Variants in ERBB4 observed in about 807,000 individuals in gnomAD.
The protein encoded by ERBB4 is erb-b2 receptor tyrosine kinase 4, also known as receptor tyrosine-protein kinase erbB-4.
In ERBB4, 42 loss-of-function variants were observed where a neutral mutation model predicts 158.0. The ratio of observed to expected loss-of-function variants is 0.27; its 90% CI spans 0.21 to 0.34. The LOEUF (loss-of-function observed/expected upper bound fraction) is 0.34. Ranked by LOEUF, ERBB4 falls within the 10% of genes least tolerant of loss-of-function variation. The probability of loss-of-function intolerance (pLI) is 1.00; values close to 1 mark genes in which losing one functional copy is unlikely to be tolerated. For synonymous variants in ERBB4, 583 were observed against 558.7 expected (o/e 1.04, Z -0.61); for missense variants, 1,333 against 1,624.1 (o/e 0.82, Z 3.08).
chr2:211,784,204 T>C (rs922978376), intron 4 of ERBB4, among the ~76,000 whole-genome samples: 1 of 152,214 alleles, frequency 6.6e-6, no homozygotes, highest in African/African-American at 2.4e-5. Context: ...CTCCAGAACT[T>C]TTTCAACCTT....
rs140134229 is a variant in ERBB4, at chr2:211,881,636, C to T, written c.421+65794G>A. On this transcript the variant is annotated intron_variant, in intron 3 of 27. Coordinates refer to ENST00000342788, the MANE Select transcript of ERBB4 (RefSeq NM_005235.3). Reference sequence around the variant, plus strand: ...TGAGATTTGTGCCCCATGCAAATGACGCAACTGGTCTAACCAGTTTTTCGG... The same window carrying T: ...TGAGATTTGTGCCCCATGCAAATGATGCAACTGGTCTAACCAGTTTTTCGG... Among the ~76,000 whole-genome samples the T allele has an allele frequency of 2.6e-3, 403 of 152,162 alleles. 2 individuals carry two copies. Among genetic ancestry groups the T allele is most frequent in the African/African-American group, 9.0e-3 (373 of 41,490 alleles).
intron 22 of ERBB4, among the ~76,000 whole-genome samples, chr2:211,426,137 CA>C (rs1271160756): frequency 1.1e-4 from 3 of 26,846 alleles, no homozygotes; most frequent in African/African-American, 6.5e-4. Context: ...AATACAAAAA[CA>C]AAAGCCAAAA....
chr2:212,062,485 G>A (rs2125425768), intron 2 of ERBB4, among the ~76,000 whole-genome samples: 1 of 123,548 alleles, frequency 8.1e-6, no homozygotes, highest in African/African-American at 3.0e-5. Flanking sequence ...TCGGCTCACT[G>A]CAATCTCCAG....
At chr2:211,704,053 A>G (rs2073348763) in intron 11 of ERBB4, 51 bp downstream of exon 11, 2 of 1,017,740 alleles carry the variant, frequency 2.0e-6, no homozygotes. Flanking sequence ...TGCACACACA[A>G]TGCTCCTCTT....
intron 25 of ERBB4, among the ~76,000 whole-genome samples, chr2:211,415,147 C>T (rs370639517): frequency 0.022 from 2,515 of 113,422 alleles, 36 homozygotes; most frequent in African/African-American, 0.072. Context: ...GACGGAGTCT[C>T]GCTCTGTCGC....
chr2:211,535,992 C>T (rs1277206341), intron 20 of ERBB4, among the ~76,000 whole-genome samples: 3 of 151,386 alleles, frequency 2.0e-5, no homozygotes, highest in South Asian at 4.2e-4. Context: ...ATTTAAAGAA[C>T]ACCAAGAGTA....
In ERBB4 at chr2:211,386,979, C is replaced by T. The variant is rs1217217544; in HGVS notation, c.3355G>A (p.Val1119Ile). 2 of 1,613,988 alleles carry T rather than the reference C, an allele frequency of 1.2e-6. No homozygotes were observed. Among genetic ancestry groups the T allele is most frequent in the East Asian group, 2.2e-5 (1 of 44,880 alleles). ...GTLRKPVAPH[V>I]QEDSSTQRYS... Reference sequence around the variant, plus strand: ...CTCTGGGTGCTACTGTCCTCTTGGACATGGGGTGCCACTGGCTTGCGTAGG... The same window carrying T: ...CTCTGGGTGCTACTGTCCTCTTGGATATGGGGTGCCACTGGCTTGCGTAGG... Residue 1119 changes from valine to isoleucine, a missense_variant, in exon 27 of 28, where the codon GTC becomes ATC. This residue lies in a region of ERBB4 where 252 missense variants were observed against 241.3 expected (regional missense o/e 1.04). Coordinates refer to ENST00000342788, the MANE Select transcript of ERBB4 (RefSeq NM_005235.3).
chr2:212,048,302 G>A (rs966202142), intron 2 of ERBB4, among the ~76,000 whole-genome samples: 1 of 152,166 alleles, frequency 6.6e-6, no homozygotes, highest in African/African-American at 2.4e-5. Context: ...GTGGAGTGAT[G>A]ACACTGTGTA....
At chr2:211,545,882 T>C (rs1356290847) in intron 20 of ERBB4, among the ~76,000 whole-genome samples, 2 of 152,040 alleles carry the variant, frequency 1.3e-5, no homozygotes, top group South Asian at 2.1e-4. Flanking sequence ...AGCTAATCTT[T>C]TGTTCACTTT....
chr2:211,809,269 A>G (rs534108459), intron 3 of ERBB4, among the ~76,000 whole-genome samples: 13 of 152,332 alleles, frequency 8.5e-5, no homozygotes, highest in African/African-American at 2.9e-4. Flanking sequence ...GAATGGAACC[A>G]GCTCCTCTTT....
At chr2:211,864,180 G>A (rs1227015528) in intron 3 of ERBB4, among the ~76,000 whole-genome samples, 2 of 152,204 alleles carry the variant, frequency 1.3e-5, no homozygotes, top group East Asian at 3.8e-4. Context: ...TGGGTGTTCT[G>A]GCACTGGCCC....
intron 20 of ERBB4, among the ~76,000 whole-genome samples, chr2:211,431,900 G>GTATT: frequency 6.6e-6 from 1 of 152,196 alleles, no homozygotes; most frequent in South Asian, 2.1e-4. Context: ...CACATGTTAT[G>GTATT]TATTAATATC....
intron 1 of ERBB4, among the ~76,000 whole-genome samples, chr2:212,405,591 C>A (rs1348312404): frequency 6.6e-6 from 1 of 152,014 alleles, no homozygotes; most frequent in Non-Finnish European, 1.5e-5. Flanking sequence ...AATAGGACAG[C>A]CTGGAAAGGC....
intron 1 of ERBB4, among the ~76,000 whole-genome samples, chr2:212,422,036 C>A (rs906825853): frequency 6.6e-6 from 1 of 152,148 alleles, no homozygotes; most frequent in South Asian, 2.1e-4. Flanking sequence ...ATAAGGGAAA[C>A]ATGCAGTTTT....
intron 20 of ERBB4, among the ~76,000 whole-genome samples, chr2:211,459,754 C>T (rs1386702956): frequency 6.6e-6 from 1 of 152,010 alleles, no homozygotes; most frequent in African/African-American, 2.4e-5. Context: ...TATAAATTAC[C>T]CAGCCTTGGG....
intron 1 of ERBB4, among the ~76,000 whole-genome samples, chr2:212,468,429 G>T (rs1056569273): frequency 1.3e-5 from 2 of 152,094 alleles, no homozygotes; most frequent in Admixed American, 6.5e-5. Flanking sequence ...CAGCAAATGG[G>T]TCTCACACAA....
chr2:212,277,030 C>A (rs1458170191), intron 1 of ERBB4, among the ~76,000 whole-genome samples: 3 of 151,646 alleles, frequency 2.0e-5, no homozygotes, highest in African/African-American at 7.3e-5. Flanking sequence ...ATCAGTGGCA[C>A]CTGGCTAAAA....
chr2:212,084,804 AT>A (rs2078554287), intron 2 of ERBB4, among the ~76,000 whole-genome samples: 1 of 151,978 alleles, frequency 6.6e-6, no homozygotes, highest in Admixed American at 6.6e-5. Flanking sequence ...AGAAAGTCAC[AT>A]TTCATTTAAA....
At chr2:212,007,729 A>G (rs2125298393) in intron 2 of ERBB4, among the ~76,000 whole-genome samples, 1 of 152,070 alleles carries the variant, frequency 6.6e-6, no homozygotes, top group Non-Finnish European at 1.5e-5. Flanking sequence ...TTATACTCAC[A>G]TCTGTGATAT....
Sources: gnomAD v4.1 joint callset for allele counts (sites outside exome capture counted in the v4.1 genomes callset) on GRCh38, gnomAD v4.1.1 for gene constraint, gnomAD v4.1.1 regional missense constraint, MANE v1.5 for transcripts, NCBI Gene and HGNC (gene_info 2026-07-23, HGNC 2026-07-21) for gene names.